The following BBS12 variants were observed in gnomAD, a reference collection of about 807,000 sequenced individuals.
The protein encoded by BBS12 is Bardet-Biedl syndrome 12.
BBS12 carries 5 observed loss-of-function variants against 5.6 expected under a neutral mutation model. The observed-to-expected ratio is 0.89, with a 90% CI of 0.46 to 1.86. BBS12 has a LOEUF of 1.86. Ranked by LOEUF, BBS12 falls within the 40% of genes most tolerant of loss-of-function variation. The probability of loss-of-function intolerance (pLI) is 0.01; values close to 1 mark genes in which losing one functional copy is unlikely to be tolerated. For missense variants in BBS12, 748 were observed against 830.4 expected, an observed-to-expected ratio of 0.90 and a Z score of 1.22; for synonymous variants, 308 against 306.8, an observed-to-expected ratio of 1.00 and a Z score of -0.04.
upstream of BBS12, chr4:122,730,068 T>C (rs1189497098): frequency 6.6e-6 from 1 of 152,238 alleles, no homozygotes; most frequent in Admixed American, 6.5e-5. Flanking sequence ...GTAAGTGCTA[T>C]TTTGAATTTT....
At chr4:122,701,403 C>G in the BBS12 span, among the ~76,000 whole-genome samples, 1 of 148,852 alleles carries the variant, frequency 6.7e-6, no homozygotes, top group Non-Finnish European at 1.5e-5. Flanking sequence ...TTTATTGCAC[C>G]TATAACATAA....
chr4:122,730,318 T>C (rs979825875), upstream of BBS12: 2 of 152,254 alleles, frequency 1.3e-5, no homozygotes, highest in Non-Finnish European at 1.5e-5. Flanking sequence ...GAATCAATAC[T>C]GTTCTTGGAT....
intron 1 of BBS12, among the ~76,000 whole-genome samples, chr4:122,741,436 C>T (rs1235292102): frequency 5.3e-5 from 8 of 152,192 alleles, no homozygotes; most frequent in Non-Finnish European, 1.2e-4. Flanking sequence ...CCGCCCGCCT[C>T]GGCCTCCCAA....
At chr4:122,700,454 C>T in the BBS12 span, among the ~76,000 whole-genome samples, 1 of 152,160 alleles carries the variant, frequency 6.6e-6, no homozygotes, top group Admixed American at 6.5e-5. Context: ...CCCTTTCCTG[C>T]GTTGCAAGTA....
the BBS12 span, among the ~76,000 whole-genome samples, chr4:122,704,219 A>C: frequency 6.6e-6 from 1 of 152,250 alleles, no homozygotes; most frequent in Admixed American, 6.5e-5. Context: ...AAAAGGTAAC[A>C]GTAAAACAGC....
chr4:122,739,144 C>T (rs1399191065), intron 1 of BBS12, among the ~76,000 whole-genome samples: 1 of 152,190 alleles, frequency 6.6e-6, no homozygotes, highest in Non-Finnish European at 1.5e-5. Context: ...CTTGATCCTT[C>T]AGAAGGAGCA....
At chr4:122,717,193 AT>A in the BBS12 span, among the ~76,000 whole-genome samples, 2 of 152,218 alleles carry the variant, frequency 1.3e-5, no homozygotes, top group Non-Finnish European at 2.9e-5. Flanking sequence ...TTTAAAAGAA[AT>A]TAAGTTAAAA....
intron 1 of BBS12, among the ~76,000 whole-genome samples, chr4:122,735,836 T>C (rs916570278): frequency 2.0e-5 from 3 of 152,184 alleles, no homozygotes; most frequent in African/African-American, 7.2e-5. Context: ...TATATCCTAT[T>C]TTATAAGGGA....
At chr4:122,728,166 T>TGA (rs1279771213), upstream of BBS12, among the ~76,000 whole-genome samples, 1 of 152,214 alleles carries the variant, frequency 6.6e-6, no homozygotes, top group Non-Finnish European at 1.5e-5. Flanking sequence ...ACTTCATTTG[T>TGA]GACAATTAAT....
At chr4:122,723,359 G>T in the BBS12 span, among the ~76,000 whole-genome samples, 1 of 152,132 alleles carries the variant, frequency 6.6e-6, no homozygotes, top group African/African-American at 2.4e-5. Context: ...AATTATTTGG[G>T]CCTAGAGTTT....
At chr4:122,706,983 C>T in the BBS12 span, among the ~76,000 whole-genome samples, 1 of 149,360 alleles carries the variant, frequency 6.7e-6, no homozygotes, top group East Asian at 2.1e-4. Flanking sequence ...TGTTCAGTAA[C>T]ATCAATTTTA....
At chr4:122,727,740 G>T (rs1215363440), upstream of BBS12, among the ~76,000 whole-genome samples, 1 of 151,648 alleles carries the variant, frequency 6.6e-6, no homozygotes. Flanking sequence ...TTTTAGTAGA[G>T]ACGGGGTTTC....
the BBS12 span, among the ~76,000 whole-genome samples, chr4:122,724,190 A>T: frequency 6.6e-6 from 1 of 152,168 alleles, no homozygotes; most frequent in Non-Finnish European, 1.5e-5. Context: ...GGGTGGCTTC[A>T]CTTGTTCCTC....
the BBS12 span, among the ~76,000 whole-genome samples, chr4:122,702,166 C>G: frequency 6.6e-6 from 1 of 152,198 alleles, no homozygotes; most frequent in African/African-American, 2.4e-5. Context: ...CAGCCTTGAA[C>G]TTCTGAGCTC....
At chr4:122,714,127 G>A in the BBS12 span, among the ~76,000 whole-genome samples, 4 of 151,994 alleles carry the variant, frequency 2.6e-5, no homozygotes, top group African/African-American at 9.7e-5. Context: ...ATAAGGATGA[G>A]GCCCTAATTC....
chr4:122,740,607 G>T (rs1224409655), intron 1 of BBS12, among the ~76,000 whole-genome samples: 2 of 152,154 alleles, frequency 1.3e-5, no homozygotes, highest in East Asian at 3.8e-4. Flanking sequence ...TTAACACAGT[G>T]CCTCCTGGTA....
intron 1 of BBS12, among the ~76,000 whole-genome samples, chr4:122,736,816 T>G (rs940329417): frequency 3.3e-5 from 5 of 152,124 alleles, no homozygotes; most frequent in African/African-American, 9.7e-5. Flanking sequence ...TTGTTTTGAG[T>G]TTTTATATTA....
chr4:122,714,157 A>C, the BBS12 span, among the ~76,000 whole-genome samples: 1 of 152,120 alleles, frequency 6.6e-6, no homozygotes, highest in African/African-American at 2.4e-5. Context: ...GTGTCTTTCT[A>C]AGAAGAGAAA....
chr4:122,743,680 G>A lies in BBS12; in HGVS notation c.1788G>A (p.Gln596=). ...TTAAATTCCTGGCAAATGGATGGCAGAAATACCTTTCAACTCTCCTATATA... is the reference window on the plus strand; with the variant it reads ...TTAAATTCCTGGCAAATGGATGGCAAAAATACCTTTCAACTCTCCTATATA... ...TVLKFLANGW[Q]KYLSTLLYNT... The change falls in exon 2 of 2, where the codon CAG becomes CAA. Residue 596 remains glutamine (Q), a synonymous_variant. Transcript: ENST00000314218. 1 of 1,614,148 alleles carries A rather than the reference G, an allele frequency of 6.2e-7. No homozygotes were observed. Among genetic ancestry groups the A allele is most frequent in the Non-Finnish European group, 8.5e-7 (1 of 1,180,014 alleles).
Sources: gnomAD v4.1 joint callset for allele counts (sites outside exome capture counted in the v4.1 genomes callset) on GRCh38, gnomAD v4.1.1 for gene constraint, MANE v1.5 for transcripts, NCBI Gene and HGNC (gene_info 2026-07-23, HGNC 2026-07-21) for gene names.